The following WDFY4 variants were observed in gnomAD, a reference collection of about 807,000 sequenced individuals.
WDFY4 encodes WD repeat- and FYVE domain-containing protein 4.
A neutral mutation model predicts 351.9 loss-of-function variants in WDFY4; 169 were observed. That is an observed-to-expected ratio of 0.48 (90% CI 0.42 to 0.55). WDFY4 has a LOEUF of 0.55. WDFY4 is among the 20% of genes least tolerant of loss of function. The pLI is 0.00. For missense variants in WDFY4, 3,803 were observed against 3,935.6 expected, an observed-to-expected ratio of 0.97 and a Z score of 0.90; for synonymous variants, 1,622 against 1,574.6, an observed-to-expected ratio of 1.03 and a Z score of -0.71.
chr10:48,915,466 G>A (rs1838433732), intron 47 of WDFY4, among the ~76,000 whole-genome samples: 1 of 151,642 alleles, frequency 6.6e-6, no homozygotes, highest in South Asian at 2.1e-4. Flanking sequence ...GTATGCCCTT[G>A]GGAGACACAA....
At chr10:48,934,197 C>T (rs1472757611) in intron 47 of WDFY4, among the ~76,000 whole-genome samples, 1 of 152,224 alleles carries the variant, frequency 6.6e-6, no homozygotes, top group African/African-American at 2.4e-5. Context: ...ACTTGGTTCA[C>T]ATAGCATCCG....
At chr10:48,692,860 G>GCAT (rs1565096716) in intron 1 of WDFY4, among the ~76,000 whole-genome samples, 1 of 152,224 alleles carries the variant, frequency 6.6e-6, no homozygotes, top group Non-Finnish European at 1.5e-5. Flanking sequence ...CTTGAAAACT[G>GCAT]GAAGGGGCTG....
At chr10:48,909,627 AAGAG>A (rs763676506) in intron 47 of WDFY4, 2 of 152,170 alleles carry the variant, frequency 1.3e-5, no homozygotes, top group African/African-American at 4.8e-5. Flanking sequence ...TAGTGAGAGG[AAGAG>A]AGAGAGAGGA....
At chr10:48,917,994 C>A (rs1838708194) in intron 47 of WDFY4, among the ~76,000 whole-genome samples, 1 of 152,180 alleles carries the variant, frequency 6.6e-6, no homozygotes, top group Admixed American at 6.5e-5. Flanking sequence ...GGGTTTTACA[C>A]TGCTTTTGAA....
intron 30 of WDFY4, 95 bp downstream of exon 30, chr10:48,811,803 C>A: frequency 7.8e-7 from 1 of 1,289,994 alleles, no homozygotes; most frequent in Non-Finnish European, 1.1e-6. Context: ...TTACCTCCCT[C>A]TGCTTCTTCC....
chr10:48,691,905 A>G (rs2063205941), intron 1 of WDFY4, among the ~76,000 whole-genome samples: 1 of 152,020 alleles, frequency 6.6e-6, no homozygotes, highest in South Asian at 2.1e-4. Context: ...CTGTGTGCAG[A>G]AGGCTGCAGG....
rs139551062 is a variant in WDFY4, at chr10:48,949,478, T to C, written c.7977+2509T>C. 4.5e-3 allele frequency among the ~76,000 whole-genome samples: 679 copies of C among 152,288 alleles called. 3 individuals are homozygous for C. Among genetic ancestry groups the C allele is most frequent in the African/African-American group, 0.016 (651 of 41,560 alleles). ...AGAATATTCTGGCATCTTCTTGAAG[T>C]CAGGCTCTTCCCTCCATCCCATCCT... On this transcript the variant is annotated intron_variant, in intron 51 of 61. Transcript: ENST00000325239.
chr10:48,729,663 C>T, intron 8 of WDFY4, 74 bp downstream of exon 8: 6 of 1,499,868 alleles, frequency 4.0e-6, no homozygotes, highest in Non-Finnish European at 3.6e-6. Flanking sequence ...GGGTCTTCTC[C>T]TGATTCTTTG....
At chr10:48,979,619 AT>A (rs1842729050) in intron 60 of WDFY4, 3 of 151,228 alleles carry the variant, frequency 2.0e-5, no homozygotes, top group African/African-American at 7.3e-5. Flanking sequence ...GGATGGATGG[AT>A]GGACGGGTGG....
chr10:48,728,683 G>T (rs1425983601), intron 7 of WDFY4, among the ~76,000 whole-genome samples: 1 of 152,250 alleles, frequency 6.6e-6, no homozygotes, highest in East Asian at 1.9e-4. Flanking sequence ...AAGTGTAAAT[G>T]CCCCTCTGGG....
At chr10:48,919,634 C>T (rs1656566092) in intron 47 of WDFY4, among the ~76,000 whole-genome samples, 1 of 152,182 alleles carries the variant, frequency 6.6e-6, no homozygotes, top group South Asian at 2.1e-4. Flanking sequence ...TGTTTTCTTG[C>T]CGTGTCCTCA....
chr10:48,922,345 T>G (rs1405921906), intron 47 of WDFY4, among the ~76,000 whole-genome samples: 1 of 152,134 alleles, frequency 6.6e-6, no homozygotes, highest in African/African-American at 2.4e-5. Context: ...GTCCTAGTAG[T>G]GAGTAGTGAT....
Position 48,978,363 on chromosome 10 carries a change from G to C in WDFY4, c.9346G>C (p.Glu3116Gln), listed in dbSNP as rs1374096209. Reference sequence around the variant, plus strand: ...TGTTCCTGGACGGCCAGCAGGAGAGGAGCCCCCGGCTCAGCCTCCAAGCCC... The same window carrying C: ...TGTTCCTGGACGGCCAGCAGGAGAGCAGCCCCCGGCTCAGCCTCCAAGCCC... ...MSVPGRPAGE[E>Q]PPAQPPSPRG... The change falls in exon 60 of 62, where the codon GAG (glutamate) becomes CAG (glutamine). Residue 3116 changes from glutamate to glutamine, a missense_variant. Around this residue, in one of 3 missense-constraint regions of WDFY4, gnomAD observed 3,054 missense variants for 3,148.6 expected, o/e 0.97. Transcript: ENST00000325239. The C allele has an allele frequency of 6.4e-7, 1 of 1,551,402 alleles. No individual in the cohort carries two copies. Among genetic ancestry groups the C allele is most frequent in the Admixed American group, 2.0e-5 (1 of 50,982 alleles).
At chr10:48,750,265 G>T (rs1489038630) in intron 12 of WDFY4, among the ~76,000 whole-genome samples, 1 of 152,220 alleles carries the variant, frequency 6.6e-6, no homozygotes, top group Non-Finnish European at 1.5e-5. Flanking sequence ...CCTTTGGAAG[G>T]CACAGATGTG....
chr10:48,702,484 G>A (rs1010278126), intron 1 of WDFY4, among the ~76,000 whole-genome samples: 1 of 152,146 alleles, frequency 6.6e-6, no homozygotes, highest in African/African-American at 2.4e-5. Flanking sequence ...ATATGACAGT[G>A]GGTAGCCTCT....
At position 48,713,097 on chromosome 10, in the gene WDFY4, G is replaced by A. The variant is rs183620326; in HGVS notation, c.234+3131G>A. ...TGAATTGTCACTTCTGCTCGGAAAG[G>A]CCATGTCCCTAGGGTGTGGGGTCTT... On this transcript the variant is annotated intron_variant, in intron 2 of 61. Transcript: ENST00000325239. Among the ~76,000 whole-genome samples, 6 of 152,298 alleles carry A rather than the reference G, an allele frequency of 3.9e-5. No homozygotes were observed. The South Asian group carries it at 1.2e-3, about 32-fold the overall frequency.
At chr10:48,772,209 G>A (rs900633284) in intron 13 of WDFY4, among the ~76,000 whole-genome samples, 1 of 152,110 alleles carries the variant, frequency 6.6e-6, no homozygotes, top group African/African-American at 2.4e-5. Flanking sequence ...AAGAGCTGAA[G>A]GAGGATGCGC....
Position 48,725,866 on chromosome 10 carries a change from C to A in WDFY4, c.592-15C>A, listed in dbSNP as rs1218157302. 2.3e-5 allele frequency: 35 copies of A among 1,531,566 alleles called. No homozygotes were observed. The highest frequency in any genetic ancestry group is 3.1e-5 in the Non-Finnish European group (35 of 1,131,728). 94.9% of individuals were successfully genotyped at this position (1,531,566 alleles called of 1,614,324 possible). On this transcript the variant is annotated splice_polypyrimidine_tract_variant and intron_variant, in intron 5 of 61. Transcript: ENST00000325239. Reference sequence around the variant, plus strand: ...TAACCAGGTCTCCTTGACTGTTTATCTTCTTATTTTTCAGATGTTGCTCAA... The same window carrying A: ...TAACCAGGTCTCCTTGACTGTTTATATTCTTATTTTTCAGATGTTGCTCAA...
chr10:48,685,277 C>CCA (rs1422603781), intron 1 of WDFY4, among the ~76,000 whole-genome samples: 2 of 152,128 alleles, frequency 1.3e-5, no homozygotes. Context: ...AGGCTGGGCT[C>CCA]CAGCAGCACT....
Sources: gnomAD v4.1 joint callset for allele counts (sites outside exome capture counted in the v4.1 genomes callset) on GRCh38, gnomAD v4.1.1 for gene constraint, gnomAD v4.1.1 regional missense constraint, MANE v1.5 for transcripts, NCBI Gene and HGNC (gene_info 2026-07-23, HGNC 2026-07-21) for gene names.